The following GPHN variants were observed in gnomAD, a reference collection of about 807,000 sequenced individuals.
The protein encoded by GPHN is gephyrin.
GPHN carries 17 observed loss-of-function variants against 95.5 expected under a neutral mutation model. That is an observed-to-expected ratio of 0.18 (90% confidence interval 0.12 to 0.27). The LOEUF is 0.27. Ranked by LOEUF, GPHN falls within the 10% of genes least tolerant of loss-of-function variation. The pLI, the probability that GPHN is intolerant of heterozygous loss-of-function variation, is 1.00. For synonymous variants in GPHN, 320 were observed against 322.5 expected (o/e 0.99, Z 0.08); for missense variants, 660 against 978.1 (o/e 0.67, Z 4.34).
At chr14:67,224,796 C>CAGA in the GPHN span, 1 of 250,592 alleles carries the variant, frequency 4.0e-6, no homozygotes, top group African/African-American at 2.3e-5. Context: ...TTTCCATGTT[C>CAGA]CTCTTAAATA....
At chr14:67,473,172 C>A in the GPHN span, 1 of 535,314 alleles carries the variant, frequency 1.9e-6, no homozygotes, top group Non-Finnish European at 3.3e-6. This position sits in a 1 kb window ranked among gnomAD's most constrained non-coding sequence, Gnocchi z 6.5. Flanking sequence ...GTACCAACCC[C>A]TGAACTGGGC....
chr14:66,590,417 TAAAG>T (rs1218046489), intron 1 of GPHN, among the ~76,000 whole-genome samples: 1 of 151,794 alleles, frequency 6.6e-6, no homozygotes, highest in African/African-American at 2.4e-5. Flanking sequence ...GCCAGACTAA[TAAAG>T]AAGAAAAGAG....
the GPHN span, among the ~76,000 whole-genome samples, chr14:67,410,938 G>T: frequency 6.2e-4 from 94 of 152,036 alleles, 1 homozygote; most frequent in Non-Finnish European, 1.2e-3. Flanking sequence ...TTAAACCCGG[G>T]AGTTCAAGAC....
At chr14:66,745,281 A>G (rs1299091950) in intron 2 of GPHN, among the ~76,000 whole-genome samples, 3 of 152,110 alleles carry the variant, frequency 2.0e-5, no homozygotes, top group Non-Finnish European at 4.4e-5. Context: ...GTATCTATTT[A>G]TATCTCTGTC....
chr14:66,990,787 G>A (rs867217144), intron 9 of GPHN, among the ~76,000 whole-genome samples: 4 of 151,674 alleles, frequency 2.6e-5, no homozygotes, highest in Non-Finnish European at 4.4e-5. Context: ...TTATTTTATG[G>A]AGAATTTAAG....
intron 1 of GPHN, among the ~76,000 whole-genome samples, chr14:66,631,231 T>C (rs1192010823): frequency 2.0e-5 from 3 of 152,010 alleles, no homozygotes; most frequent in East Asian, 3.9e-4. Context: ...GTATTTTCAA[T>C]AGAGACGAGG....
At chr14:66,871,356 C>T (rs1385908832) in intron 4 of GPHN, among the ~76,000 whole-genome samples, 1 of 152,114 alleles carries the variant, frequency 6.6e-6, no homozygotes, top group Non-Finnish European at 1.5e-5. Context: ...TTATGTGAAG[C>T]CCCGAATTCA....
At chr14:67,182,297 T>C (rs1378847837), downstream of GPHN, among the ~76,000 whole-genome samples, 4 of 152,188 alleles carry the variant, frequency 2.6e-5, no homozygotes, top group Admixed American at 1.3e-4. Flanking sequence ...AAATATACTG[T>C]ATCCACAATG....
At chr14:66,883,479 C>A (rs2064029267) in intron 5 of GPHN, among the ~76,000 whole-genome samples, 1 of 151,958 alleles carries the variant, frequency 6.6e-6, no homozygotes, top group South Asian at 2.1e-4. Context: ...ATTCTTCGGA[C>A]AATTTCAATA....
intron 2 of GPHN, among the ~76,000 whole-genome samples, chr14:66,686,812 C>T (rs2067393029): frequency 6.6e-6 from 1 of 152,140 alleles, no homozygotes; most frequent in Non-Finnish European, 1.5e-5. Context: ...TGAGAGAGGG[C>T]ATCCCTGTCT....
At chr14:67,434,899 C>T in the GPHN span, among the ~76,000 whole-genome samples, 2,167 of 151,698 alleles carry the variant, frequency 0.014, 57 homozygotes, top group African/African-American at 0.05. Context: ...TGAGGTGGTG[C>T]AGGGCATCAC....
chr14:66,828,109 C>G (rs975436699), intron 4 of GPHN, among the ~76,000 whole-genome samples: 1 of 151,876 alleles, frequency 6.6e-6, no homozygotes, highest in African/African-American at 2.4e-5. Context: ...TTGTGAATAA[C>G]TTGATCTTTA....
chr14:67,729,209 A>G, the GPHN span: 2 of 1,612,480 alleles, frequency 1.2e-6, no homozygotes, highest in Non-Finnish European at 1.7e-6. Flanking sequence ...GTCACCACCT[A>G]CGCAGTGCAC....
At chr14:67,704,184 C>A in the GPHN span, among the ~76,000 whole-genome samples, 55 of 152,078 alleles carry the variant, frequency 3.6e-4, no homozygotes, top group Non-Finnish European at 6.5e-4. Flanking sequence ...AAAATCTGTG[C>A]CTAAGAGGTG....
chr14:66,755,065 A>G (rs1376751301), intron 2 of GPHN, among the ~76,000 whole-genome samples: 1 of 152,056 alleles, frequency 6.6e-6, no homozygotes, highest in African/African-American at 2.4e-5. Flanking sequence ...CTTAGAAATT[A>G]AATTTCTAAT....
the GPHN span, among the ~76,000 whole-genome samples, chr14:67,304,766 C>T: frequency 6.6e-6 from 1 of 152,030 alleles, no homozygotes; most frequent in Non-Finnish European, 1.5e-5. Flanking sequence ...CAATTGTGTA[C>T]ATGAGTGAAT....
intron 2 of GPHN, among the ~76,000 whole-genome samples, chr14:66,685,098 C>G (rs1595542406): frequency 6.6e-6 from 1 of 152,190 alleles, no homozygotes; most frequent in Non-Finnish European, 1.5e-5. Flanking sequence ...TTTATGGCTG[C>G]ATAGTATTCC....
intron 9 of GPHN, among the ~76,000 whole-genome samples, chr14:67,020,234 A>G (rs72730450): frequency 0.048 from 7,284 of 152,238 alleles, 198 homozygotes; most frequent in Middle Eastern, 0.068. Context: ...ATGTTCTCCC[A>G]TAAGAGTTAG....
chr14:67,419,863 G>T, the GPHN span, among the ~76,000 whole-genome samples: 2 of 151,798 alleles, frequency 1.3e-5, no homozygotes, highest in African/African-American at 4.8e-5. Flanking sequence ...AAAAAAAAAG[G>T]CTGCATCCAT....
Sources: gnomAD v4.1 joint callset for allele counts (sites outside exome capture counted in the v4.1 genomes callset) on GRCh38, gnomAD v4.1.1 for gene constraint, Gnocchi (gnomAD v3.1) non-coding constraint, MANE v1.5 for transcripts, NCBI Gene and HGNC (gene_info 2026-07-23, HGNC 2026-07-21) for gene names.